TRAPPC9: variants seen among roughly 807,000 people sequenced by gnomAD.
TRAPPC9 encodes trafficking protein particle complex subunit 9.
A neutral mutation model predicts 124.0 loss-of-function variants in TRAPPC9; 83 were observed. The ratio of observed to expected loss-of-function variants is 0.67; its 90% CI spans 0.56 to 0.80. TRAPPC9 has a LOEUF of 0.80. TRAPPC9 is among the 30% of genes least tolerant of loss of function. The pLI is 0.00. For missense variants in TRAPPC9, 1,302 were observed against 1,508.3 expected (o/e 0.86, Z 2.27); for synonymous variants, 638 against 617.5 (o/e 1.03, Z -0.49).
At chr8:140,341,322 G>A (rs1320288417) in intron 9 of TRAPPC9, among the ~76,000 whole-genome samples, 1 of 152,140 alleles carries the variant, frequency 6.6e-6, no homozygotes, top group African/African-American at 2.4e-5. Flanking sequence ...GTTGACTAGA[G>A]GTCACACACA....
intron 15 of TRAPPC9, among the ~76,000 whole-genome samples, chr8:140,265,928 C>A (rs890668356): frequency 7.9e-5 from 12 of 152,180 alleles, no homozygotes; most frequent in Non-Finnish European, 1.6e-4. Context: ...ACGGAGCCAT[C>A]ATTTTTTGTT....
At chr8:139,753,855 C>CT (rs1303139734) in intron 21 of TRAPPC9, among the ~76,000 whole-genome samples, 2 of 152,214 alleles carry the variant, frequency 1.3e-5, no homozygotes, top group Non-Finnish European at 2.9e-5. Context: ...TGCCACCCCC[C>CT]TCTCCTCGCC....
In TRAPPC9 at chr8:139,730,818, C is replaced by G; in HGVS notation, c.*243G>C. The G allele has an allele frequency of 1.8e-6, 1 of 559,776 alleles. No homozygotes were observed. The highest frequency in any genetic ancestry group is 2.1e-5 in the South Asian group (1 of 46,798). The allele number at this position is 559,776 out of a possible 1,614,324, so 34.7% of individuals were successfully genotyped here. On this transcript the variant is annotated 3_prime_UTR_variant, in exon 23 of 23. Coordinates refer to ENST00000438773, the MANE Select transcript of TRAPPC9 (RefSeq NM_001160372.4). ...CGCTTTGGGATTTCCTCTGCTTCAG[C>G]CTGTGTATGGTCCAGGGAACAGTGT...
chr8:139,840,145 C>T (rs915401529), intron 21 of TRAPPC9, among the ~76,000 whole-genome samples: 5 of 152,232 alleles, frequency 3.3e-5, no homozygotes, highest in African/African-American at 1.2e-4. Context: ...ATGTGAACCA[C>T]ACAAAGCAGA....
intron 5 of TRAPPC9, among the ~76,000 whole-genome samples, chr8:140,425,164 T>C (rs1414396813): frequency 6.6e-6 from 1 of 152,238 alleles, no homozygotes; most frequent in African/African-American, 2.4e-5. Context: ...TCAGTCCTGA[T>C]ACAAAGGTCC....
intron 2 of TRAPPC9, 143 bp from the exon 3 acceptor site, chr8:140,439,340 C>T: frequency 1.1e-6 from 1 of 930,706 alleles, no homozygotes; most frequent in Non-Finnish European, 1.6e-6. Context: ...CAGCAATAAT[C>T]ATTGCCAGTT....
intron 21 of TRAPPC9, among the ~76,000 whole-genome samples, chr8:139,754,987 G>GC (rs1443917738): frequency 2.0e-5 from 3 of 152,268 alleles, no homozygotes; most frequent in Non-Finnish European, 2.9e-5. Flanking sequence ...ACTGCCAGGG[G>GC]CCCTGGGAAG....
intron 3 of TRAPPC9, among the ~76,000 whole-genome samples, chr8:140,437,574 A>T (rs1034674779): frequency 6.6e-6 from 1 of 152,224 alleles, no homozygotes. Flanking sequence ...CAGTGAGCCA[A>T]GATCATGCCA....
intron 2 of TRAPPC9, among the ~76,000 whole-genome samples, chr8:140,443,162 G>A (rs372859558): frequency 7.0e-4 from 83 of 118,508 alleles, no homozygotes; most frequent in African/African-American, 1.8e-3. Context: ...AAAGCCAGGC[G>A]CGGTGGCTCA....
At chr8:139,981,631 T>C (rs1443750583) in intron 19 of TRAPPC9, among the ~76,000 whole-genome samples, 1 of 151,844 alleles carries the variant, frequency 6.6e-6, no homozygotes, top group African/African-American at 2.4e-5. Flanking sequence ...GCGAGAGGAG[T>C]AGCCAGATAG....
chr8:140,446,404 T>C lies in TRAPPC9; in HGVS notation c.584+4386A>G, dbSNP rs542843077. On this transcript the variant is annotated intron_variant, in intron 2 of 22. Coordinates refer to ENST00000438773, the MANE Select transcript of TRAPPC9 (RefSeq NM_001160372.4). The stretch of plus-strand genomic sequence containing the variant: ...GTTGAACTGCCTCTCTGGTTCTGAA[T>C]GCTCATTGGCAGAAGCAAAAAGGAA... Among the ~76,000 whole-genome samples the C allele has an allele frequency of 1.6e-4, 24 of 152,130 alleles. No individual in the cohort carries two copies. In the South Asian group the frequency reaches 3.7e-3, roughly 24 times the overall value.
intron 17 of TRAPPC9, among the ~76,000 whole-genome samples, chr8:140,071,639 G>GGTAAT (rs1843162764): frequency 2.6e-5 from 4 of 152,014 alleles, no homozygotes; most frequent in Admixed American, 2.6e-4. Context: ...AGATGGGGAC[G>GGTAAT]GTAACGCCTG....
At chr8:140,041,151 ACCCG>A (rs1841252776) in intron 17 of TRAPPC9, 1 of 152,146 alleles carries the variant, frequency 6.6e-6, no homozygotes, top group African/African-American at 2.4e-5. Context: ...ACCCAGCCCT[ACCCG>A]CAAGACACTC....
chr8:140,033,444 G>A (rs528414129), intron 17 of TRAPPC9, among the ~76,000 whole-genome samples: 11 of 151,950 alleles, frequency 7.2e-5, no homozygotes, highest in Admixed American at 2.6e-4. Flanking sequence ...CACCTAGAAC[G>A]TCTGGAAGAA....
intron 7 of TRAPPC9, among the ~76,000 whole-genome samples, chr8:140,392,597 A>C (rs1266740324): frequency 6.6e-6 from 1 of 152,238 alleles, no homozygotes; most frequent in East Asian, 1.9e-4. Flanking sequence ...CAAGGCTAGC[A>C]GACGACGGAC....
At chr8:139,929,561 T>C (rs1309301636) in intron 19 of TRAPPC9, among the ~76,000 whole-genome samples, 1 of 151,724 alleles carries the variant, frequency 6.6e-6, no homozygotes, top group African/African-American at 2.4e-5. Flanking sequence ...TCGGGCAGCC[T>C]CAGTTCTTGG....
intron 21 of TRAPPC9, among the ~76,000 whole-genome samples, chr8:139,878,485 C>CCACCACCCAGGA (rs1282679174): frequency 2.8e-4 from 24 of 84,400 alleles, no homozygotes; most frequent in African/African-American, 8.4e-4. Flanking sequence ...GGAAGGAACT[C>CCACCACCCAGGA]ATATTTGAAC....
At chr8:139,765,325 C>T (rs1820512828) in intron 21 of TRAPPC9, among the ~76,000 whole-genome samples, 1 of 152,210 alleles carries the variant, frequency 6.6e-6, no homozygotes, top group Non-Finnish European at 1.5e-5. Flanking sequence ...TCCTAAAGCT[C>T]CCCCAGCTAC....
At chr8:139,930,525 T>C (rs542187704) in intron 19 of TRAPPC9, among the ~76,000 whole-genome samples, 30 of 152,256 alleles carry the variant, frequency 2.0e-4, no homozygotes, top group African/African-American at 5.3e-4. Flanking sequence ...AGACAGGAGA[T>C]AGTCACACCC....
Sources: gnomAD v4.1 joint callset for allele counts (sites outside exome capture counted in the v4.1 genomes callset) on GRCh38, gnomAD v4.1.1 for gene constraint, MANE v1.5 for transcripts, NCBI Gene and HGNC (gene_info 2026-07-23, HGNC 2026-07-21) for gene names.